The following EIF2B3 variants were observed in gnomAD, a reference collection of about 807,000 sequenced individuals.
The protein encoded by EIF2B3 is eukaryotic translation initiation factor 2B subunit gamma.
Under a neutral mutation model 54.1 loss-of-function variants are expected in EIF2B3, and 20 were observed. That is an observed-to-expected ratio of 0.37 (90% CI 0.26 to 0.54). The LOEUF (loss-of-function observed/expected upper bound fraction) is 0.54. Among genes scored for constraint, EIF2B3 ranks in the 20% least tolerant of loss-of-function variants. The pLI, the probability that EIF2B3 is intolerant of heterozygous loss-of-function variation, is 0.86. For missense variants in EIF2B3, 448 were observed against 547.8 expected (o/e 0.82, Z 1.82); for synonymous variants, 153 against 188.1 (o/e 0.81, Z 1.52).
At chr1:44,853,292 T>G (rs2148891040) in intron 11 of EIF2B3, among the ~76,000 whole-genome samples, 1 of 151,896 alleles carries the variant, frequency 6.6e-6, no homozygotes, top group East Asian at 1.9e-4. Flanking sequence ...ATTCAGTAAG[T>G]TGGAGGAAAC....
intron 4 of EIF2B3, among the ~76,000 whole-genome samples, chr1:44,937,652 G>C (rs554778971): frequency 6.6e-6 from 1 of 151,852 alleles, no homozygotes; most frequent in South Asian, 2.1e-4. Context: ...GGGAGGCCGA[G>C]GCGGGCGGAT....
chr1:44,918,811 C>G (rs1363183525), intron 5 of EIF2B3, among the ~76,000 whole-genome samples: 2 of 152,198 alleles, frequency 1.3e-5, no homozygotes, highest in Non-Finnish European at 1.5e-5. Flanking sequence ...CATATACACC[C>G]ATACTTCCTT....
chr1:44,897,421 G>A lies in EIF2B3; in HGVS notation c.590C>T (p.Thr197Met), dbSNP rs749213552. ...GTAGAGGTGGGCATCCACAAGACCC[G>A]TGTGGAAACGTATTCTAGGATGCCT... is the stretch of plus-strand genomic sequence containing the variant. ...LQKHPRIRFH[T>M]GLVDAHLYCL... Residue 197 changes from threonine to methionine, a missense_variant, in exon 6 of 12, where the codon ACG becomes ATG. Thr to Met is a moderately conservative substitution (Grantham distance 81, BLOSUM62 -1). This residue lies in a region of EIF2B3 where 350 missense variants were observed against 414.2 expected (regional missense o/e 0.85). Transcript: ENST00000360403. 84 of 1,612,538 alleles carry A rather than the reference G, an allele frequency of 5.2e-5. No homozygotes were observed. Among genetic ancestry groups the A allele is most frequent in the South Asian group, 3.6e-4 (33 of 90,962 alleles).
intron 1 of EIF2B3, among the ~76,000 whole-genome samples, chr1:44,984,795 ATC>A (rs1644552533): frequency 1.2e-5 from 1 of 80,470 alleles, no homozygotes; most frequent in African/African-American, 8.6e-5. Context: ...AATAATGTCC[ATC>A]TTTTTTTTTT....
At chr1:44,882,491 G>A (rs1365314187) in intron 6 of EIF2B3, among the ~76,000 whole-genome samples, 4 of 151,168 alleles carry the variant, frequency 2.6e-5, no homozygotes, top group African/African-American at 9.7e-5. Context: ...TGCCCAGGCT[G>A]GAGTACAGTG....
intron 8 of EIF2B3, among the ~76,000 whole-genome samples, chr1:44,879,378 C>T (rs921993439): frequency 2.6e-5 from 4 of 152,228 alleles, no homozygotes; most frequent in African/African-American, 9.6e-5. Context: ...TCATTCCTTT[C>T]CTGAGGCTTT....
rs1279873004 is a variant in EIF2B3 at position 44,942,831 on chromosome 1, C to T, written c.295-1166G>A. Among the ~76,000 whole-genome samples the T allele has an allele frequency of 2.0e-5, 3 of 151,806 alleles. No homozygotes were observed. The East Asian group carries it at 5.8e-4, about 29-fold the overall frequency. ...AGGAATTGTGATAACACTTTGCAAA[C>T]ATTATTTATTTTATTTTATTTTATT... On this transcript the variant is annotated intron_variant, in intron 3 of 11. Coordinates refer to ENST00000360403, the MANE Select transcript of EIF2B3 (RefSeq NM_020365.5).
At chr1:44,938,641 G>A (rs115623213) in intron 4 of EIF2B3, among the ~76,000 whole-genome samples, 5,469 of 151,942 alleles carry the variant, frequency 0.036, 140 homozygotes, top group Middle Eastern at 0.085. Flanking sequence ...AAGCCACCAT[G>A]CCCAGCTAAT....
intron 10 of EIF2B3, among the ~76,000 whole-genome samples, chr1:44,871,477 C>T (rs919994752): frequency 2.6e-5 from 4 of 152,192 alleles, no homozygotes; most frequent in Non-Finnish European, 5.9e-5. Flanking sequence ...GGGAACAATC[C>T]ATTACTTGGC....
intron 3 of EIF2B3, among the ~76,000 whole-genome samples, chr1:44,967,491 A>G (rs1237276065): frequency 1.3e-5 from 2 of 151,496 alleles, no homozygotes; most frequent in East Asian, 3.9e-4. Flanking sequence ...CTGTAATCCC[A>G]GCACTTTGGG....
intron 8 of EIF2B3, among the ~76,000 whole-genome samples, chr1:44,878,603 G>T (rs1042849358): frequency 6.6e-6 from 1 of 151,254 alleles, no homozygotes; most frequent in Non-Finnish European, 1.5e-5. Context: ...ATTATTCTGC[G>T]CTCCACTGCC....
intron 4 of EIF2B3, among the ~76,000 whole-genome samples, chr1:44,939,789 C>G (rs1382241953): frequency 6.6e-6 from 1 of 151,712 alleles, no homozygotes; most frequent in African/African-American, 2.4e-5. Context: ...AAGAAAAGTT[C>G]TAATGACAAG....
At chr1:44,931,623 C>T (rs1158585627) in intron 4 of EIF2B3, among the ~76,000 whole-genome samples, 1 of 152,182 alleles carries the variant, frequency 6.6e-6, no homozygotes, top group Non-Finnish European at 1.5e-5. Context: ...TAAAAACTAA[C>T]ACAACATGTA....
intron 10 of EIF2B3, among the ~76,000 whole-genome samples, chr1:44,859,526 T>C (rs1654543975): frequency 6.6e-6 from 1 of 151,784 alleles, no homozygotes; most frequent in Non-Finnish European, 1.5e-5. Context: ...AGCATGGCGG[T>C]GCGCACCTGT....
intron 3 of EIF2B3, chr1:44,959,006 A>G (rs756466420): frequency 2.9e-4 from 217 of 737,990 alleles, no homozygotes; most frequent in Non-Finnish European, 4.3e-4. Context: ...AGAAAGTGCT[A>G]GAAGAATACA....
At chr1:44,971,372 G>GAA (rs35558705) in intron 3 of EIF2B3, among the ~76,000 whole-genome samples, 18 of 118,042 alleles carry the variant, frequency 1.5e-4, no homozygotes, top group South Asian at 2.9e-4. Flanking sequence ...TCCGTCTCCA[G>GAA]AAAAAAAAAA....
chr1:44,970,670 G>A (rs1369840130), intron 3 of EIF2B3, among the ~76,000 whole-genome samples: 2 of 152,194 alleles, frequency 1.3e-5, no homozygotes, highest in Non-Finnish European at 2.9e-5. Context: ...TTCTTAGGCT[G>A]TCTCACTTTC....
chr1:44,928,174 G>A (rs541236700), intron 4 of EIF2B3, among the ~76,000 whole-genome samples: 1 of 152,242 alleles, frequency 6.6e-6, no homozygotes, highest in South Asian at 2.1e-4. Context: ...GCCGGGCATG[G>A]TGGCTCACAC....
intron 5 of EIF2B3, among the ~76,000 whole-genome samples, chr1:44,922,678 A>G (rs111619733): frequency 0.075 from 11,418 of 151,294 alleles, 1,478 homozygotes; most frequent in African/African-American, 0.26. Context: ...TGAACATGGA[A>G]TATCTTTCCA....
Sources: allele counts gnomAD v4.1 joint callset (sites outside exome capture counted in the v4.1 genomes callset), GRCh38; gene constraint gnomAD v4.1.1; regional missense constraint gnomAD v4.1.1; transcripts MANE v1.5; gene names NCBI Gene and HGNC (gene_info 2026-07-23, HGNC 2026-07-21).